TRAPPC3L: variants seen among roughly 807,000 people sequenced by gnomAD.
The protein encoded by TRAPPC3L is trafficking protein particle complex subunit 3-like protein.
A neutral mutation model predicts 23.7 loss-of-function variants in TRAPPC3L; 23 were observed. That is an observed-to-expected ratio of 0.97 (90% CI 0.70 to 1.37). The LOEUF is 1.37. TRAPPC3L is among the 40% of genes most tolerant of loss of function. TRAPPC3L has a pLI of 0.00. For missense variants in TRAPPC3L, 212 were observed against 216.8 expected, an observed-to-expected ratio of 0.98 and a Z score of 0.14; for synonymous variants, 81 against 77.9, an observed-to-expected ratio of 1.04 and a Z score of -0.21.
At chr6:116,534,082 A>G (rs1232255692) in intron 3 of TRAPPC3L, among the ~76,000 whole-genome samples, 2 of 150,880 alleles carry the variant, frequency 1.3e-5, no homozygotes, top group Non-Finnish European at 3.0e-5. Context: ...TGGGTACTCA[A>G]CTCTCACCCA....
At chr6:116,522,071 G>C (rs1772355740) in intron 3 of TRAPPC3L, 1 of 152,230 alleles carries the variant, frequency 6.6e-6, no homozygotes, top group Non-Finnish European at 1.5e-5. Context: ...AATTGTCTCA[G>C]ATATTCTAGC....
Position 116,496,249 on chromosome 6 carries a change from C to T in TRAPPC3L, c.*705G>A, listed in dbSNP as rs1183609041. On this transcript the variant is annotated 3_prime_UTR_variant, in exon 5 of 5. Transcript: ENST00000368602. ...AGTAATTTCAAAGAATATTATTTATCCTTTATTTTAGAAGTTTCCTGGCCT... is the reference window on the plus strand; with the variant it reads ...AGTAATTTCAAAGAATATTATTTATTCTTTATTTTAGAAGTTTCCTGGCCT... 1.3e-5 allele frequency: 2 copies of T among 152,040 alleles called. No homozygotes were observed. Among genetic ancestry groups the T allele is most frequent in the Non-Finnish European group, 1.5e-5 (1 of 68,020 alleles). The allele number at this position is 152,040 out of a possible 1,614,324, so 9.4% of individuals were successfully genotyped here.
chr6:116,522,162 G>A (rs1312748439), intron 3 of TRAPPC3L: 1 of 152,274 alleles, frequency 6.6e-6, no homozygotes. Context: ...GAACCAGGAA[G>A]TCCAACCAAC....
intron 3 of TRAPPC3L, among the ~76,000 whole-genome samples, chr6:116,504,471 T>A (rs1771971066): frequency 6.6e-6 from 1 of 152,118 alleles, no homozygotes; most frequent in Non-Finnish European, 1.5e-5. Flanking sequence ...AAGCTGGTAT[T>A]ATTCCTTCTG....
At chr6:116,532,292 G>C (rs1022862005) in intron 3 of TRAPPC3L, among the ~76,000 whole-genome samples, 2 of 152,092 alleles carry the variant, frequency 1.3e-5, no homozygotes, top group Admixed American at 1.3e-4. Flanking sequence ...TGGAGAACGG[G>C]GTCTCGCTAT....
In TRAPPC3L at chr6:116,511,284, T is replaced by A. The variant is rs191234379; in HGVS notation, c.241-10618A>T. Among the ~76,000 whole-genome samples the A allele has an allele frequency of 3.4e-3, 508 of 151,250 alleles. 1 individual carries two copies. Among genetic ancestry groups the A allele is most frequent in the Non-Finnish European group, 5.4e-3 (368 of 67,838 alleles). On this transcript the variant is annotated intron_variant, in intron 3 of 4. Coordinates refer to ENST00000368602, the MANE Select transcript of TRAPPC3L (RefSeq NM_001139444.3). ...CTCAAGTCATAGGAAGAGAAAAACA[T>A]TCATAAAATTCTAGGTTTGGAGATT...
intron 3 of TRAPPC3L, 25 bp downstream of exon 3, chr6:116,540,338 T>C: frequency 6.5e-7 from 1 of 1,543,260 alleles, no homozygotes; most frequent in Non-Finnish European, 8.8e-7. Flanking sequence ...TCAAAACATA[T>C]TGACAGAGAT....
intron 3 of TRAPPC3L, among the ~76,000 whole-genome samples, chr6:116,529,460 C>G (rs1034377530): frequency 6.6e-6 from 1 of 152,160 alleles, no homozygotes; most frequent in Non-Finnish European, 1.5e-5. Context: ...CTCCTGCTTC[C>G]CACCCTACAG....
At chr6:116,500,405 T>C in intron 4 of TRAPPC3L, 76 bp downstream of exon 4, 3 of 1,270,950 alleles carry the variant, frequency 2.4e-6, no homozygotes, top group Non-Finnish European at 3.2e-6. Flanking sequence ...AAATGAATTA[T>C]GTATATTGGT....
chr6:116,525,066 A>T (rs1238744566), intron 3 of TRAPPC3L, among the ~76,000 whole-genome samples: 1 of 152,202 alleles, frequency 6.6e-6, no homozygotes, highest in Non-Finnish European at 1.5e-5. Flanking sequence ...ACATGTGTCT[A>T]ATCCTAATTT....
At chr6:116,511,672 C>T (rs1772121955) in intron 3 of TRAPPC3L, 1 of 1,602,840 alleles carries the variant, frequency 6.2e-7, no homozygotes, top group African/African-American at 1.3e-5. Context: ...AAAGGCACAG[C>T]ATTTTCCCTC....
At chr6:116,504,402 C>T (rs903052278) in intron 3 of TRAPPC3L, among the ~76,000 whole-genome samples, 4 of 152,098 alleles carry the variant, frequency 2.6e-5, no homozygotes, top group Non-Finnish European at 2.9e-5. Context: ...GCCTACCAAC[C>T]GAAAAAAGTC....
intron 3 of TRAPPC3L, chr6:116,519,167 C>T (rs373047779): frequency 6.6e-6 from 1 of 152,150 alleles, no homozygotes; most frequent in African/African-American, 2.4e-5. Context: ...GATGTGCTCC[C>T]TAGAGGCTGC....
intron 3 of TRAPPC3L, chr6:116,524,706 C>A (rs530042763): frequency 1.4e-3 from 207 of 152,110 alleles, no homozygotes; most frequent in African/African-American, 4.6e-3. Context: ...CTTTTTGGAA[C>A]GATTTTTCCT....
intron 3 of TRAPPC3L, among the ~76,000 whole-genome samples, chr6:116,535,330 TA>T (rs1773008574): frequency 6.6e-6 from 1 of 152,200 alleles, no homozygotes; most frequent in Non-Finnish European, 1.5e-5. Flanking sequence ...TCTTCCTTTT[TA>T]ATCTCCACTA....
chr6:116,529,004 C>CAT (rs1229993110), intron 3 of TRAPPC3L: 1 of 152,244 alleles, frequency 6.6e-6, no homozygotes, highest in Non-Finnish European at 1.5e-5. Context: ...GAGAATGAGG[C>CAT]ATATACGGTG....
intron 3 of TRAPPC3L, chr6:116,512,380 T>C (rs1047449850): frequency 1.7e-5 from 16 of 958,110 alleles, no homozygotes; most frequent in African/African-American, 5.0e-5. Flanking sequence ...ATTGAGACTA[T>C]CTCAGGAAAA....
At chr6:116,509,876 A>G (rs1413817005) in intron 3 of TRAPPC3L, among the ~76,000 whole-genome samples, 5 of 152,216 alleles carry the variant, frequency 3.3e-5, no homozygotes, top group Admixed American at 3.3e-4. Context: ...AATAAACATC[A>G]GAGTAAACAG....
intron 3 of TRAPPC3L, among the ~76,000 whole-genome samples, chr6:116,527,463 C>G (rs1183930210): frequency 7.0e-6 from 1 of 142,590 alleles, no homozygotes; most frequent in Non-Finnish European, 1.5e-5. Context: ...TGCAGTGAGC[C>G]GACATCGAGC....
Sources: allele counts gnomAD v4.1 joint callset (sites outside exome capture counted in the v4.1 genomes callset), GRCh38; gene constraint gnomAD v4.1.1; transcripts MANE v1.5; gene names NCBI Gene and HGNC (gene_info 2026-07-23, HGNC 2026-07-21).